The following RYR2 variants were observed in gnomAD, a reference collection of about 807,000 sequenced individuals.
RYR2 encodes the protein cardiac muscle ryanodine receptor-calcium release channel.
Under a neutral mutation model 601.1 loss-of-function variants are expected in RYR2, and 227 were observed. The ratio of observed to expected loss-of-function variants is 0.38; its 90% confidence interval spans 0.34 to 0.42. RYR2 has a LOEUF of 0.42. RYR2 is among the 10% of genes least tolerant of loss of function. The probability of loss-of-function intolerance (pLI) is 1.00; values close to 1 mark genes in which losing one functional copy is unlikely to be tolerated. For synonymous variants in RYR2, 2,223 were observed against 2,175.1 expected, an observed-to-expected ratio of 1.02 and a Z score of -0.61; for missense variants, 4,646 against 6,156.5, an observed-to-expected ratio of 0.75 and a Z score of 8.21.
At chr1:237,706,631 A>G (rs922305058) in intron 67 of RYR2, among the ~76,000 whole-genome samples, 1 of 152,168 alleles carries the variant, frequency 6.6e-6, no homozygotes, top group Non-Finnish European at 1.5e-5. Flanking sequence ...CGGGGAATGG[A>G]GGCCAAGGTG....
At position 237,614,034 on chromosome 1, in the gene RYR2, T is replaced by C. The variant is rs981771489; in HGVS notation, c.4911-5T>C. ...ATCTTACTACCACTCTCCTCCCTTCTACAGATCTGTTGACATCTTAGAGTT... is the reference window on the plus strand; with the variant it reads ...ATCTTACTACCACTCTCCTCCCTTCCACAGATCTGTTGACATCTTAGAGTT... On this transcript the variant is annotated splice_region_variant and splice_polypyrimidine_tract_variant and intron_variant, in intron 36 of 104. Transcript: ENST00000366574. This position sits in a 1 kb window ranked among gnomAD's most constrained non-coding sequence, Gnocchi z 4.3. The C allele has an allele frequency of 6.2e-7, 1 of 1,608,552 alleles. No homozygotes were observed. Among genetic ancestry groups the C allele is most frequent in the Non-Finnish European group, 8.5e-7 (1 of 1,175,654 alleles).
chr1:237,332,930 C>G (rs1277729790), intron 3 of RYR2, among the ~76,000 whole-genome samples: 1 of 152,022 alleles, frequency 6.6e-6, no homozygotes, highest in Non-Finnish European at 1.5e-5. Flanking sequence ...AATCCTCCTG[C>G]CTCAGTCTCT....
At chr1:237,340,859 G>C (rs1258284059) in intron 3 of RYR2, among the ~76,000 whole-genome samples, 2 of 152,186 alleles carry the variant, frequency 1.3e-5, no homozygotes, top group Non-Finnish European at 2.9e-5. Context: ...AGGGTTCATA[G>C]CTAAAAATAT....
At chr1:237,052,496 G>T (rs1022879850) in intron 1 of RYR2, among the ~76,000 whole-genome samples, 1 of 152,230 alleles carries the variant, frequency 6.6e-6, no homozygotes, top group South Asian at 2.1e-4. Flanking sequence ...ATGAAATGCC[G>T]CCTTGATCTC....
intron 25 of RYR2, among the ~76,000 whole-genome samples, chr1:237,543,812 T>C (rs1365792383): frequency 1.3e-5 from 2 of 152,228 alleles, no homozygotes; most frequent in Non-Finnish European, 2.9e-5. Context: ...TGAGCCCTTG[T>C]TTCAAAGACT....
At chr1:237,827,950 A>G (rs1193180438) in intron 101 of RYR2, among the ~76,000 whole-genome samples, 17 of 123,778 alleles carry the variant, frequency 1.4e-4, no homozygotes, top group African/African-American at 7.3e-4. Context: ...AAAAAAAAAA[A>G]AAAAAAAAAA....
intron 3 of RYR2, among the ~76,000 whole-genome samples, chr1:237,331,501 A>ATTTTTTTTTTTTTTTTTT (rs1696709590): frequency 6.6e-6 from 1 of 150,488 alleles, no homozygotes; most frequent in African/African-American, 2.5e-5. Context: ...GAAAATTGAA[A>ATTTTTTTTTTTTTTTTTT]TTTTTCTTTT....
At chr1:237,423,922 G>A (rs192657677) in intron 12 of RYR2, among the ~76,000 whole-genome samples, 1 of 152,254 alleles carries the variant, frequency 6.6e-6, no homozygotes, top group African/African-American at 2.4e-5. Context: ...AAGGCCTCAG[G>A]AAACTTACAA....
At chr1:237,338,326 T>C in intron 3 of RYR2, among the ~76,000 whole-genome samples, 1 of 152,238 alleles carries the variant, frequency 6.6e-6, no homozygotes, top group Non-Finnish European at 1.5e-5. Flanking sequence ...TAGATTCACA[T>C]ACATTTTGTA....
At chr1:237,580,871 C>A (rs1004289930) in intron 29 of RYR2, among the ~76,000 whole-genome samples, 2 of 152,166 alleles carry the variant, frequency 1.3e-5, no homozygotes, top group African/African-American at 2.4e-5. Flanking sequence ...ATCTACACAC[C>A]ATGGAGAGAG....
At chr1:237,811,848 A>G (rs1302342091) in intron 100 of RYR2, among the ~76,000 whole-genome samples, 4 of 152,194 alleles carry the variant, frequency 2.6e-5, no homozygotes, top group African/African-American at 9.6e-5. Context: ...TGTGGTTTCC[A>G]CGTGCTAGTG....
rs896698936 is a variant in RYR2 at position 237,358,346 on chromosome 1, C to T, written c.294+2361C>T. ...CTGGGAAGCTGTTTCTTGCTTGCCC[C>T]GCCGGGTTCCTCACGCCCTACTTGG... is the stretch of plus-strand genomic sequence containing the variant. On this transcript the variant is annotated intron_variant, in intron 4 of 104. Coordinates refer to ENST00000366574, the MANE Select transcript of RYR2 (RefSeq NM_001035.3). Among the ~76,000 whole-genome samples the T allele has an allele frequency of 1.4e-4, 22 of 152,182 alleles. No individual in the cohort carries two copies. In the East Asian group the frequency reaches 2.5e-3, roughly 17 times the overall value.
chr1:237,384,903 T>C (rs2149831982), intron 8 of RYR2, among the ~76,000 whole-genome samples: 1 of 152,208 alleles, frequency 6.6e-6, no homozygotes, highest in South Asian at 2.1e-4. Flanking sequence ...TTTTATTTTT[T>C]TTTGAGAAGT....
chr1:237,219,247 A>T (rs922426279), intron 1 of RYR2, among the ~76,000 whole-genome samples: 2 of 151,954 alleles, frequency 1.3e-5, no homozygotes, highest in Non-Finnish European at 2.9e-5. Context: ...CGAACTCCTG[A>T]CCTCAAGTGA....
At chr1:237,828,611 C>T (rs989941779) in intron 102 of RYR2, among the ~76,000 whole-genome samples, 166 bp downstream of exon 102, 3 of 152,152 alleles carry the variant, frequency 2.0e-5, no homozygotes, top group Non-Finnish European at 2.9e-5. Context: ...AGTTGAGCTG[C>T]GTGGTCGGCT....
At chr1:237,465,052 T>C (rs1659911783) in intron 16 of RYR2, among the ~76,000 whole-genome samples, 1 of 151,598 alleles carries the variant, frequency 6.6e-6, no homozygotes, top group Non-Finnish European at 1.5e-5. Flanking sequence ...CTGTAAAATG[T>C]ATTGGTACCC....
At chr1:237,235,558 T>C (rs1685472654) in intron 1 of RYR2, among the ~76,000 whole-genome samples, 1 of 152,204 alleles carries the variant, frequency 6.6e-6, no homozygotes, top group African/African-American at 2.4e-5. Context: ...GCAAGCACAG[T>C]TGGAGTTGGT....
At chr1:237,116,849 G>T (rs1228343863) in intron 1 of RYR2, among the ~76,000 whole-genome samples, 2 of 152,144 alleles carry the variant, frequency 1.3e-5, no homozygotes, top group Non-Finnish European at 2.9e-5. Context: ...GCCCTGAATG[G>T]ATTGGCTGAT....
At chr1:237,806,907 T>C (rs1357111906) in intron 99 of RYR2, among the ~76,000 whole-genome samples, 1 of 152,216 alleles carries the variant, frequency 6.6e-6, no homozygotes, top group African/African-American at 2.4e-5. Context: ...CTGAAGCATA[T>C]TGCAGAAGTG....
Sources: gnomAD v4.1 joint callset for allele counts (sites outside exome capture counted in the v4.1 genomes callset) on GRCh38, gnomAD v4.1.1 for gene constraint, Gnocchi (gnomAD v3.1) non-coding constraint, MANE v1.5 for transcripts, NCBI Gene and HGNC (gene_info 2026-07-23, HGNC 2026-07-21) for gene names.